Variants in PCSK5 observed in about 807,000 individuals in gnomAD.
The protein encoded by PCSK5 is proprotein convertase subtilisin/kexin type 5.
In PCSK5, 129 loss-of-function variants were observed where a neutral mutation model predicts 233.2. The ratio of observed to expected loss-of-function variants is 0.55; its 90% CI spans 0.48 to 0.64. PCSK5 has a LOEUF of 0.64. Ranked by LOEUF, PCSK5 falls within the 30% of genes least tolerant of loss-of-function variation. PCSK5 has a pLI of 0.00. For synonymous variants in PCSK5, 825 were observed against 879.2 expected, an observed-to-expected ratio of 0.94 and a Z score of 1.09; for missense variants, 2,076 against 2,430.1, an observed-to-expected ratio of 0.85 and a Z score of 3.06.
intron 11 of PCSK5, among the ~76,000 whole-genome samples, chr9:76,157,463 A>G (rs559962160): frequency 6.6e-6 from 1 of 152,214 alleles, no homozygotes; most frequent in South Asian, 2.1e-4. Context: ...AGTATTCTCC[A>G]GAAGTCAGTG....
chr9:76,224,223 T>A (rs1198392936), intron 20 of PCSK5, among the ~76,000 whole-genome samples: 2 of 152,206 alleles, frequency 1.3e-5, no homozygotes, highest in Non-Finnish European at 2.9e-5. Context: ...AGAAAACTTT[T>A]GTAGATCAGA....
At chr9:75,904,842 G>A (rs754075920) in intron 1 of PCSK5, among the ~76,000 whole-genome samples, 8 of 152,148 alleles carry the variant, frequency 5.3e-5, no homozygotes, top group Non-Finnish European at 1.0e-4. Flanking sequence ...ACAAAATCTT[G>A]TAGATAAGTG....
At chr9:76,345,094 C>A (rs1004064381) in intron 35 of PCSK5, among the ~76,000 whole-genome samples, 1 of 152,088 alleles carries the variant, frequency 6.6e-6, no homozygotes, top group African/African-American at 2.4e-5. Flanking sequence ...GAGAGTAGTA[C>A]CCAATAAGTA....
intron 20 of PCSK5, among the ~76,000 whole-genome samples, chr9:76,210,659 T>C (rs1471333857): frequency 6.6e-6 from 1 of 152,168 alleles, no homozygotes; most frequent in African/African-American, 2.4e-5. Flanking sequence ...TGCAAGATTT[T>C]AGGTAGGAGA....
At chr9:76,132,870 G>A (rs73650459) in intron 9 of PCSK5, among the ~76,000 whole-genome samples, 34,256 of 151,850 alleles carry the variant, frequency 0.23, 4,044 homozygotes, top group East Asian at 0.33. Context: ...CTAGAAGGCC[G>A]CCCTGACCAC....
chr9:76,108,734 A>G (rs1285178908), intron 9 of PCSK5, among the ~76,000 whole-genome samples: 1 of 152,224 alleles, frequency 6.6e-6, no homozygotes, highest in Non-Finnish European at 1.5e-5. Context: ...GCCTGGTGAC[A>G]GAGCCAAGAC....
At chr9:75,935,297 C>T (rs1274352729) in intron 2 of PCSK5, among the ~76,000 whole-genome samples, 1 of 152,106 alleles carries the variant, frequency 6.6e-6, no homozygotes, top group East Asian at 1.9e-4. Context: ...TTGATCTCCT[C>T]TCCTCGTGAT....
intron 7 of PCSK5, among the ~76,000 whole-genome samples, chr9:76,077,268 C>T (rs1489691829): frequency 6.6e-6 from 1 of 152,134 alleles, no homozygotes; most frequent in African/African-American, 2.4e-5. Context: ...CTGGACCTTA[C>T]CCCATGTCAC....
At chr9:76,190,441 C>A (rs536478768) in intron 20 of PCSK5, among the ~76,000 whole-genome samples, 3 of 151,810 alleles carry the variant, frequency 2.0e-5, no homozygotes, top group South Asian at 4.2e-4. Flanking sequence ...GTATTTCTTT[C>A]CAGTTTTCAC....
chr9:75,978,311 G>A (rs1009524223), intron 2 of PCSK5, among the ~76,000 whole-genome samples: 2 of 152,182 alleles, frequency 1.3e-5, no homozygotes, highest in African/African-American at 4.8e-5. Context: ...TTTGCCCCAA[G>A]CCAGCCGTGG....
rs1428362399 is a variant in PCSK5 at position 76,352,134 on chromosome 9, GCTTGCCCATC to G, written c.5067+1207_5067+1216del. On this transcript the variant is annotated intron_variant, in intron 36 of 37. Transcript: ENST00000674117. ...AGACAGAGCAGCTGTGAGGGCTGCT[GCTTGCCCATC>G]TTTATGGTTATTTCTTAATGATACG... Among the ~76,000 whole-genome samples the G allele has an allele frequency of 2.0e-5, 3 of 152,316 alleles. No homozygotes were observed. The East Asian group carries it at 5.8e-4, about 29-fold the overall frequency.
At chr9:76,167,306 A>AC (rs1823124655) in intron 12 of PCSK5, among the ~76,000 whole-genome samples, 1 of 152,200 alleles carries the variant, frequency 6.6e-6, no homozygotes, top group Non-Finnish European at 1.5e-5. Context: ...CTCCCAGTTA[A>AC]CCCCATTATG....
At position 75,890,886 on chromosome 9, in the gene PCSK5, G is replaced by C. The variant is rs1825562777; in HGVS notation, c.-296G>C. Reference sequence around the variant, plus strand: ...CGGGCGAAACCCAACTGCGGAGGACGCCCGCCCCACTCAGCCTCCTCCTGC... The same window carrying C: ...CGGGCGAAACCCAACTGCGGAGGACCCCCGCCCCACTCAGCCTCCTCCTGC... On this transcript the variant is annotated 5_prime_UTR_variant, in exon 1 of 38. Transcript: ENST00000674117. 1 of 318,238 alleles carries C rather than the reference G, an allele frequency of 3.1e-6. No homozygotes were observed. The highest frequency in any genetic ancestry group is 1.4e-4 in the South Asian group (1 of 7,118). 19.7% of individuals were successfully genotyped at this position (318,238 alleles called of 1,614,324 possible). A position where few individuals can be genotyped will look rare whatever the true frequency, so the allele number is the denominator to read the frequency against.
chr9:76,130,914 C>G (rs1822739555), intron 9 of PCSK5, among the ~76,000 whole-genome samples: 1 of 152,120 alleles, frequency 6.6e-6, no homozygotes, highest in South Asian at 2.1e-4. Context: ...GTGGGTTAGA[C>G]TTTTGATCTC....
chr9:76,171,076 A>G (rs1823313045), intron 13 of PCSK5, among the ~76,000 whole-genome samples: 1 of 152,196 alleles, frequency 6.6e-6, no homozygotes, highest in Admixed American at 6.5e-5. Context: ...CAGCCTGAAT[A>G]TAGTGGTAAC....
chr9:76,090,505 A>C (rs1010272005), intron 7 of PCSK5, among the ~76,000 whole-genome samples: 1 of 152,162 alleles, frequency 6.6e-6, no homozygotes, highest in Admixed American at 6.5e-5. Context: ...CGCAGGAATA[A>C]AGGTCAGATT....
rs1425538887 is a variant in PCSK5 at position 76,295,258 on chromosome 9, A to C, written c.3186-17A>C. The C allele has an allele frequency of 6.2e-7, 1 of 1,602,446 alleles. No individual in the cohort carries two copies. The highest frequency in any genetic ancestry group is 8.5e-7 in the Non-Finnish European group (1 of 1,173,708). On this transcript the variant is annotated splice_polypyrimidine_tract_variant and intron_variant, in intron 25 of 37. Coordinates refer to ENST00000674117, the MANE Select transcript of PCSK5 (RefSeq NM_001372043.1). ...ATCAACATAAGTCATGAAAGAAATG[A>C]TGTCTTCTTCCTCTAGGTTTGATCA...
intron 36 of PCSK5, 51 bp downstream of exon 36, chr9:76,350,979 T>A: frequency 1.1e-6 from 1 of 876,552 alleles, no homozygotes; most frequent in Non-Finnish European, 1.9e-6. Flanking sequence ...GAGGGAAACA[T>A]GAGCTTACTT....
Position 76,157,070 on chromosome 9 carries a change from G to A in PCSK5, c.1338G>A (p.Leu446=). 1 of 1,613,760 alleles carries A rather than the reference G, an allele frequency of 6.2e-7. No individual in the cohort carries two copies. Among genetic ancestry groups the A allele is most frequent in the Non-Finnish European group, 8.5e-7 (1 of 1,179,730 alleles). Residue 446 remains leucine (L), a synonymous_variant, in exon 11 of 38, where the codon CTG becomes CTA. Coordinates refer to ENST00000674117, the MANE Select transcript of PCSK5 (RefSeq NM_001372043.1). Reference sequence around the variant, plus strand: ...TGAGCCATCTTTATGGATTTGGACTGATGGACGCAGAAGCCATGGTGATGG... The same window carrying A: ...TGAGCCATCTTTATGGATTTGGACTAATGGACGCAGAAGCCATGGTGATGG... ...FKVSHLYGFG[L]MDAEAMVMEA...
Sources: gnomAD v4.1 joint callset for allele counts (sites outside exome capture counted in the v4.1 genomes callset) on GRCh38, gnomAD v4.1.1 for gene constraint, MANE v1.5 for transcripts, NCBI Gene and HGNC (gene_info 2026-07-23, HGNC 2026-07-21) for gene names.